Variants in OLA1 observed in about 807,000 individuals in gnomAD.
OLA1 encodes obg-like ATPase 1.
OLA1 carries 14 observed loss-of-function variants against 48.4 expected under a neutral mutation model. That is an observed-to-expected ratio of 0.29 (90% CI 0.19 to 0.45). OLA1 has a LOEUF of 0.45. Ranked by LOEUF, OLA1 falls within the 20% of genes least tolerant of loss-of-function variation. The probability of loss-of-function intolerance (pLI) is 1.00; values close to 1 mark genes in which losing one functional copy is unlikely to be tolerated. For synonymous variants in OLA1, 127 were observed against 150.4 expected (o/e 0.84, Z 1.14); for missense variants, 325 against 467.1 (o/e 0.70, Z 2.80).
Position 174,104,324 on chromosome 2 carries a change from A to G in OLA1, c.728+18856T>C, listed in dbSNP as rs570213276. Among the ~76,000 whole-genome samples the G allele has an allele frequency of 5.3e-5, 8 of 152,222 alleles. No homozygotes were observed. In the East Asian group the frequency reaches 7.7e-4, roughly 15 times the overall value. On this transcript the variant is annotated intron_variant, in intron 7 of 10. Transcript: ENST00000284719. Reference sequence around the variant, plus strand: ...TTTCAGGATGCTGGCAAATGTGCACATACCAAAGAAAGTATAAATGGTAGG... The same window carrying G: ...TTTCAGGATGCTGGCAAATGTGCACGTACCAAAGAAAGTATAAATGGTAGG...
At chr2:174,117,916 T>G (rs1685821249) in intron 7 of OLA1, among the ~76,000 whole-genome samples, 1 of 152,144 alleles carries the variant, frequency 6.6e-6, no homozygotes, top group Non-Finnish European at 1.5e-5. Context: ...TAGTCCATTC[T>G]CACATTGCTA....
intron 2 of OLA1, among the ~76,000 whole-genome samples, chr2:174,232,475 C>T (rs1688750933): frequency 6.6e-6 from 1 of 152,112 alleles, no homozygotes; most frequent in Admixed American, 6.5e-5. Flanking sequence ...AGTATAATTA[C>T]ATATTTTCTA....
intron 4 of OLA1, among the ~76,000 whole-genome samples, chr2:174,204,028 C>T (rs1341087150): frequency 2.0e-5 from 3 of 151,282 alleles, no homozygotes; most frequent in Non-Finnish European, 3.0e-5. Flanking sequence ...CTCCTGACCT[C>T]GTGATCCACC....
intron 7 of OLA1, among the ~76,000 whole-genome samples, chr2:174,111,208 G>C (rs1296538098): frequency 6.6e-6 from 1 of 152,138 alleles, no homozygotes; most frequent in African/African-American, 2.4e-5. Flanking sequence ...CTTGAGTCAT[G>C]CTTACACAAA....
chr2:174,112,385 TTAAATA>T (rs1272931187), intron 7 of OLA1, among the ~76,000 whole-genome samples: 2 of 152,216 alleles, frequency 1.3e-5, no homozygotes, highest in Admixed American at 6.5e-5. Context: ...GTTGGGAATC[TTAAATA>T]TAACTGGCAT....
intron 3 of OLA1, among the ~76,000 whole-genome samples, chr2:174,227,710 C>A (rs1664079300): frequency 6.6e-6 from 1 of 152,150 alleles, no homozygotes; most frequent in Admixed American, 6.5e-5. Flanking sequence ...AATAAAATAA[C>A]ACTCATCTGA....
chr2:174,200,650 C>T (rs965874805), intron 4 of OLA1, among the ~76,000 whole-genome samples: 2 of 152,032 alleles, frequency 1.3e-5, no homozygotes, highest in African/African-American at 4.8e-5. Context: ...ATGTTTAAAC[C>T]CAGGAGGTTT....
chr2:174,109,630 GTC>G (rs1685602040), intron 7 of OLA1, among the ~76,000 whole-genome samples: 1 of 152,030 alleles, frequency 6.6e-6, no homozygotes, highest in Non-Finnish European at 1.5e-5. Context: ...CTCTTTCTTG[GTC>G]TCTTTCTTTT....
intron 4 of OLA1, among the ~76,000 whole-genome samples, chr2:174,182,579 C>T (rs533058273): frequency 6.6e-6 from 1 of 152,094 alleles, no homozygotes; most frequent in Non-Finnish European, 1.5e-5. Context: ...CTTTCAATTT[C>T]TGTGAGGTAT....
intron 7 of OLA1, among the ~76,000 whole-genome samples, chr2:174,117,673 T>C (rs1298761478): frequency 6.6e-6 from 1 of 152,166 alleles, no homozygotes; most frequent in African/African-American, 2.4e-5. Context: ...CTCTTCCTCC[T>C]ATCCCACACA....
chr2:174,223,272 CAAT>C, intron 3 of OLA1, 112 bp from the exon 4 acceptor site: 1 of 1,050,264 alleles, frequency 9.5e-7, no homozygotes, highest in East Asian at 2.6e-5. Context: ...AACAATGGAA[CAAT>C]AATGATTTGA....
chr2:174,159,586 T>G (rs1229421736), intron 4 of OLA1, among the ~76,000 whole-genome samples: 1 of 152,130 alleles, frequency 6.6e-6, no homozygotes, highest in African/African-American at 2.4e-5. Context: ...AGGACAGAAT[T>G]ATTATTTAAG....
chr2:174,142,082 G>A lies in OLA1; in HGVS notation c.374-82C>T, dbSNP rs1185678060. On this transcript the variant is annotated intron_variant, in intron 4 of 10. Transcript: ENST00000284719. ...TGATAGAGTGAAAGATTCCTAGAAG[G>A]TTAACAAATAAATATAATAAATAAA... 5.0e-6 allele frequency: 6 copies of A among 1,198,478 alleles called. No individual in the cohort carries two copies. In the African/African-American group the frequency reaches 6.2e-5, roughly 12 times the overall value. 74.2% of individuals were successfully genotyped at this position (1,198,478 alleles called of 1,614,324 possible). A position where few individuals can be genotyped will look rare whatever the true frequency, so the allele number is the denominator to read the frequency against.
chr2:174,192,567 A>T (rs1291547670), intron 4 of OLA1, among the ~76,000 whole-genome samples: 4 of 152,190 alleles, frequency 2.6e-5, no homozygotes, highest in East Asian at 1.9e-4. Flanking sequence ...ATCTTTATAT[A>T]AAAAGTTTGC....
intron 4 of OLA1, among the ~76,000 whole-genome samples, chr2:174,214,825 G>A (rs1178266519): frequency 6.6e-6 from 1 of 151,948 alleles, no homozygotes; most frequent in Non-Finnish European, 1.5e-5. Flanking sequence ...CGAGGTGGGT[G>A]GATCACCTGA....
intron 7 of OLA1, among the ~76,000 whole-genome samples, chr2:174,111,482 G>T (rs762106900): frequency 6.6e-6 from 1 of 152,072 alleles, no homozygotes; most frequent in African/African-American, 2.4e-5. Flanking sequence ...TTGTTATGGG[G>T]ATTAAACGAA....
chr2:174,140,736 T>C (rs1686427663), intron 5 of OLA1, among the ~76,000 whole-genome samples: 2 of 152,100 alleles, frequency 1.3e-5, no homozygotes, highest in African/African-American at 4.8e-5. Flanking sequence ...CTAAATTCTA[T>C]GCTCAAACCA....
At chr2:174,197,021 AT>A (rs1406280379) in intron 4 of OLA1, among the ~76,000 whole-genome samples, 1 of 152,162 alleles carries the variant, frequency 6.6e-6, no homozygotes, top group African/African-American at 2.4e-5. Flanking sequence ...ATTTTCAAAT[AT>A]TTTTTAACAT....
At chr2:174,206,885 T>G (rs1437053483) in intron 4 of OLA1, among the ~76,000 whole-genome samples, 1 of 152,174 alleles carries the variant, frequency 6.6e-6, no homozygotes, top group Non-Finnish European at 1.5e-5. Context: ...CTAGAGTAAT[T>G]TAATAAATAC....
Sources: gnomAD v4.1 joint callset for allele counts (sites outside exome capture counted in the v4.1 genomes callset) on GRCh38, gnomAD v4.1.1 for gene constraint, MANE v1.5 for transcripts, NCBI Gene and HGNC (gene_info 2026-07-23, HGNC 2026-07-21) for gene names.